The following SPIN1 variants were observed in gnomAD, a reference collection of about 807,000 sequenced individuals.
SPIN1 encodes the protein spindlin-1.
Under a neutral mutation model 26.0 loss-of-function variants are expected in SPIN1, and 3 were observed. That is an observed-to-expected ratio of 0.12 (90% confidence interval 0.05 to 0.30). The LOEUF (loss-of-function observed/expected upper bound fraction) is 0.30, where lower values mean the gene tolerates loss of function less well. Among genes scored for constraint, SPIN1 ranks in the 10% least tolerant of loss-of-function variants. The pLI, the probability that SPIN1 is intolerant of heterozygous loss-of-function variation, is 1.00. For synonymous variants in SPIN1, 101 were observed against 116.5 expected (o/e 0.87, Z 0.86); for missense variants, 126 against 333.4 (o/e 0.38, Z 4.84).
At chr9:88,444,458 C>A (rs963550277) in intron 2 of SPIN1, among the ~76,000 whole-genome samples, 1 of 151,590 alleles carries the variant, frequency 6.6e-6, no homozygotes, top group Non-Finnish European at 1.5e-5. Flanking sequence ...TTAGCCAGGA[C>A]AGTCTCGATC....
chr9:88,389,612 C>G (rs1186351888), intron 1 of SPIN1, among the ~76,000 whole-genome samples: 2 of 152,166 alleles, frequency 1.3e-5, no homozygotes, highest in Admixed American at 6.5e-5. Context: ...ACGTTAATCA[C>G]AAAACAATAC....
intron 3 of SPIN1, among the ~76,000 whole-genome samples, chr9:88,458,593 G>GA (rs1828519487): frequency 6.6e-6 from 1 of 152,106 alleles, no homozygotes; most frequent in South Asian, 2.1e-4. Flanking sequence ...CAGCGACAAC[G>GA]AAAAATTCTG....
intron 2 of SPIN1, among the ~76,000 whole-genome samples, chr9:88,441,761 T>A (rs1029215572): frequency 4.7e-5 from 7 of 149,260 alleles, no homozygotes; most frequent in Non-Finnish European, 8.9e-5. Context: ...GTCTAAAAAA[T>A]AAATAAATAA....
chr9:88,406,341 G>A (rs1827309555), intron 1 of SPIN1, among the ~76,000 whole-genome samples: 1 of 149,164 alleles, frequency 6.7e-6, no homozygotes, highest in Non-Finnish European at 1.5e-5. Context: ...CCCAGGCTGA[G>A]TTGCCGTGGC....
chr9:88,450,907 T>G (rs1388658260), intron 3 of SPIN1, among the ~76,000 whole-genome samples: 2 of 152,128 alleles, frequency 1.3e-5, no homozygotes, highest in Non-Finnish European at 2.9e-5. Context: ...AGAGGCTGCC[T>G]GGTGGGGACG....
chr9:88,423,551 G>A (rs1371945307), intron 1 of SPIN1, among the ~76,000 whole-genome samples: 5 of 151,774 alleles, frequency 3.3e-5, no homozygotes, highest in Non-Finnish European at 7.4e-5. Context: ...CAGTTCTCCT[G>A]CCTCAGCCTC....
At chr9:88,437,830 T>C (rs1828037740) in intron 2 of SPIN1, among the ~76,000 whole-genome samples, 1 of 152,168 alleles carries the variant, frequency 6.6e-6, no homozygotes, top group South Asian at 2.1e-4. Context: ...CTTCTTTTTC[T>C]AGTTTCCTAA....
chr9:88,442,850 G>A (rs1327529993), intron 2 of SPIN1, among the ~76,000 whole-genome samples: 2 of 152,034 alleles, frequency 1.3e-5, no homozygotes, highest in African/African-American at 4.8e-5. Context: ...AGCTGGGTAT[G>A]GTGGCGCACG....
intron 1 of SPIN1, among the ~76,000 whole-genome samples, chr9:88,415,915 T>A (rs1827553239): frequency 6.6e-6 from 1 of 150,906 alleles, no homozygotes; most frequent in African/African-American, 2.4e-5. Flanking sequence ...GGCTAATTTT[T>A]TTTTTTTTTT....
intron 1 of SPIN1, among the ~76,000 whole-genome samples, chr9:88,389,050 A>C (rs1826856913): frequency 6.6e-6 from 1 of 151,296 alleles, no homozygotes; most frequent in African/African-American, 2.4e-5. Flanking sequence ...GGGTCGGGTC[A>C]CCCCGGGGAC....
chr9:88,433,452 A>G (rs1827926329), intron 2 of SPIN1, among the ~76,000 whole-genome samples: 1 of 152,230 alleles, frequency 6.6e-6, no homozygotes, highest in South Asian at 2.1e-4. Context: ...TGTCTCTGCT[A>G]TTAGTCTCTG....
In SPIN1 at chr9:88,388,503, C is replaced by T. The variant is rs1192821127; in HGVS notation, c.-194C>T. 6.8e-6 allele frequency: 1 copy of T among 147,900 alleles called. No homozygotes were observed. The highest frequency in any genetic ancestry group is 2.4e-5 in the African/African-American group (1 of 41,026). 9.2% of individuals were successfully genotyped at this position (147,900 alleles called of 1,614,324 possible). A position where few individuals can be genotyped will look rare whatever the true frequency, so the allele number is the denominator to read the frequency against. On this transcript the variant is annotated 5_prime_UTR_variant, in exon 1 of 6. Coordinates refer to ENST00000375859, the MANE Select transcript of SPIN1 (RefSeq NM_006717.3). Reference sequence around the variant, plus strand: ...AGCGCGAACGAGCGACGGCGGAACCCGTGGGCCTGTGGACTGCAGCCTCGG... The same window carrying T: ...AGCGCGAACGAGCGACGGCGGAACCTGTGGGCCTGTGGACTGCAGCCTCGG...
intron 3 of SPIN1, among the ~76,000 whole-genome samples, chr9:88,460,695 AAG>A (rs1320857796): frequency 6.6e-6 from 1 of 152,102 alleles, no homozygotes; most frequent in African/African-American, 2.4e-5. Flanking sequence ...CAGGAAGAAA[AAG>A]GGGTAAATTC....
At chr9:88,418,391 C>A (rs1182561331) in intron 1 of SPIN1, among the ~76,000 whole-genome samples, 1 of 151,928 alleles carries the variant, frequency 6.6e-6, no homozygotes, top group South Asian at 2.1e-4. Flanking sequence ...AATTTTTTTT[C>A]TTTTTTGTTT....
chr9:88,435,018 C>T (rs1361398379), intron 2 of SPIN1, among the ~76,000 whole-genome samples: 1 of 151,138 alleles, frequency 6.6e-6, no homozygotes, highest in Non-Finnish European at 1.5e-5. Flanking sequence ...CACCACTGCA[C>T]CCCAGCCTGG....
At chr9:88,457,780 A>G in intron 3 of SPIN1, 1 of 942,302 alleles carries the variant, frequency 1.1e-6, no homozygotes. Flanking sequence ...ACCTGAAAGA[A>G]TTACCAGAGG....
chr9:88,464,401 A>T (rs959875392), intron 4 of SPIN1, among the ~76,000 whole-genome samples: 3 of 152,246 alleles, frequency 2.0e-5, no homozygotes, highest in African/African-American at 7.2e-5. Context: ...ACATTAGAGT[A>T]TAATTAAAAT....
At chr9:88,409,861 G>A (rs1827399743) in intron 1 of SPIN1, among the ~76,000 whole-genome samples, 1 of 151,896 alleles carries the variant, frequency 6.6e-6, no homozygotes, top group African/African-American at 2.4e-5. Context: ...AAGAAATTGA[G>A]CTACATGTCT....
intron 2 of SPIN1, among the ~76,000 whole-genome samples, chr9:88,438,361 C>T (rs906891341): frequency 4.6e-5 from 7 of 152,122 alleles, no homozygotes; most frequent in African/African-American, 1.7e-4. Context: ...GATTTTTCAG[C>T]CATCTCTCTG....
Sources: allele counts gnomAD v4.1 joint callset (sites outside exome capture counted in the v4.1 genomes callset), GRCh38; gene constraint gnomAD v4.1.1; transcripts MANE v1.5; gene names NCBI Gene and HGNC (gene_info 2026-07-23, HGNC 2026-07-21).